RP1L1: variants seen among roughly 807,000 people sequenced by gnomAD.
The protein encoded by RP1L1 is RP1 like 1, also known as retinitis pigmentosa 1-like 1 protein.
In RP1L1, 27 loss-of-function variants were observed where a neutral mutation model predicts 15.7. The observed-to-expected ratio is 1.72, with a 90% CI of 1.27 to 2.38. RP1L1 has a LOEUF of 2.38. Among genes scored for constraint, RP1L1 ranks in the 30% most tolerant of loss-of-function variants. RP1L1 has a pLI of 0.00. For synonymous variants in RP1L1, 1,813 were observed against 1,276.7 expected (o/e 1.42, Z -8.96); for missense variants, 4,798 against 3,075.9 (o/e 1.56, Z -13.24).
At position 10,631,292 on chromosome 8, in the gene RP1L1, CACAA is replaced by C. The variant is rs1412401801; in HGVS notation, c.-19-8076_-19-8073del. Among the ~76,000 whole-genome samples the C allele has an allele frequency of 5.9e-3, 878 of 150,002 alleles. 11 individuals carry two copies. Among genetic ancestry groups the C allele is most frequent in the African/African-American group, 0.021 (840 of 40,382 alleles). ...ACAAACACGCATGCACACACACGCA[CACAA>C]ACACGCATGCACACACACGCACACA... On this transcript the variant is annotated intron_variant, in intron 1 of 3. Transcript: ENST00000382483.
Position 10,607,378 on chromosome 8 carries a change from C to G in RP1L1, c.6720G>C (p.Glu2240Asp). ...TCTCACCTTGAGTTTCTCCTTCTGA[C>G]TCTGGCTGGGCCTCCCCTTCAGCCT... ...TPEAEGEAQP[E>D]SEGETQGEKK... Residue 2240 changes from glutamate (E) to aspartate (D), a missense_variant, in exon 4 of 4, where the codon GAG (glutamate) becomes GAC (aspartate). Glu to Asp is a conservative substitution (Grantham distance 45, BLOSUM62 2). Coordinates refer to ENST00000382483, the MANE Select transcript of RP1L1 (RefSeq NM_178857.6). The G allele has an allele frequency of 6.2e-7, 1 of 1,607,834 alleles. No homozygotes were observed. Among genetic ancestry groups the G allele is most frequent in the Middle Eastern group, 1.7e-4 (1 of 6,058 alleles).
chr8:10,621,182 C>A (rs531081683), intron 2 of RP1L1: 27 of 153,352 alleles, frequency 1.8e-4, no homozygotes, highest in African/African-American at 6.3e-4. Flanking sequence ...GAGGTTGTCA[C>A]AGCATAGAAG....
At position 10,611,498 on chromosome 8, in the gene RP1L1, G is replaced by T. The variant is rs1797853503; in HGVS notation, c.2600C>A (p.Ser867Tyr). 4.4e-6 allele frequency: 7 copies of T among 1,574,876 alleles called. No homozygotes were observed. In the South Asian group the frequency reaches 6.9e-5, roughly 15 times the overall value. ...PRGRPCPQRR[S>Y]SSCGSTGSSH... ...GCTGCCGGTGCTCCCACAGCTGGAA[G>T]AGCGCCTCTGGGGGCAGGGCCGCCC... Residue 867 changes from serine (S) to tyrosine (Y), a missense_variant, in exon 4 of 4, where the codon TCT becomes TAT. Ser to Tyr is a moderately radical substitution (Grantham distance 144). Transcript: ENST00000382483.
chr8:10,621,568 C>G (rs539152954), intron 2 of RP1L1: 6 of 384,558 alleles, frequency 1.6e-5, no homozygotes, highest in Non-Finnish European at 3.2e-5. Context: ...TCAGGTGATC[C>G]GCCTGCCTCA....
chr8:10,612,749 T>C lies in RP1L1; in HGVS notation c.1349A>G (p.Gln450Arg). The change falls in exon 4 of 4, where the codon CAG becomes CGG. Residue 450 changes from glutamine to arginine, a missense_variant. Gln to Arg is a conservative substitution (Grantham distance 43). Coordinates refer to ENST00000382483, the MANE Select transcript of RP1L1 (RefSeq NM_178857.6). ...GCTGGAGGCTGGGCTGGCACTGTCC[T>C]GGCTGCATCTCTCCCTCCCGGCAGT... ...HGTAGRERCS[Q>R]DSASPASSTG... is the part of the protein sequence containing the mutation. The C allele has an allele frequency of 6.2e-7, 1 of 1,608,222 alleles. No homozygotes were observed. The highest frequency in any genetic ancestry group is 1.1e-5 in the South Asian group (1 of 91,074).
chr8:10,649,051 C>A (rs117386764), intron 1 of RP1L1, among the ~76,000 whole-genome samples: 2,736 of 152,278 alleles, frequency 0.018, 35 homozygotes, highest in Non-Finnish European at 0.029. Flanking sequence ...ATGCCTGAGC[C>A]CAGATGGGAG....
chr8:10,648,257 C>G (rs754571196), intron 1 of RP1L1, among the ~76,000 whole-genome samples: 6 of 152,176 alleles, frequency 3.9e-5, no homozygotes, highest in Non-Finnish European at 8.8e-5. Flanking sequence ...GTCTCGAACT[C>G]CTGACCTCAG....
intron 1 of RP1L1, among the ~76,000 whole-genome samples, chr8:10,644,657 C>T (rs1023385583): frequency 1.3e-5 from 2 of 152,216 alleles, no homozygotes; most frequent in Admixed American, 6.5e-5. Context: ...AACCCTGCCC[C>T]TCTCACAGGC....
intron 1 of RP1L1, among the ~76,000 whole-genome samples, chr8:10,641,212 T>G (rs1310325303): frequency 6.6e-6 from 1 of 152,224 alleles, no homozygotes; most frequent in Non-Finnish European, 1.5e-5. Flanking sequence ...TGGAGCCATA[T>G]GAGAAGTACT....
intron 1 of RP1L1, among the ~76,000 whole-genome samples, chr8:10,649,211 G>C (rs970068409): frequency 1.3e-5 from 2 of 152,190 alleles, no homozygotes; most frequent in East Asian, 3.9e-4. Context: ...CAGCAAAACC[G>C]ATTCTACTCT....
chr8:10,648,813 T>A (rs1798517808), intron 1 of RP1L1, among the ~76,000 whole-genome samples: 1 of 152,198 alleles, frequency 6.6e-6, no homozygotes, highest in South Asian at 2.1e-4. Context: ...CCCAGGGGAA[T>A]CAGACATAAT....
At chr8:10,644,161 C>T (rs6991463) in intron 1 of RP1L1, among the ~76,000 whole-genome samples, 4,110 of 151,972 alleles carry the variant, frequency 0.027, 162 homozygotes, top group African/African-American at 0.093. Flanking sequence ...AAGCTCCGTT[C>T]GGGGACAGGG....
In RP1L1 at chr8:10,608,385, C is replaced by G; in HGVS notation, c.5713G>C (p.Gly1905Arg). Residue 1905 changes from glycine (G) to arginine (R), a missense_variant, in exon 4 of 4, where the codon GGT (glycine) becomes CGT (arginine). Transcript: ENST00000382483. Reference protein sequence around the residue: ...AEWEVQPESEGAEAPEAEKEA... With the variant: ...AEWEVQPESERAEAPEAEKEA... ...TTTTCTGCCTCCGGGGCTTCTGCACCTTCTGACTCTGGCTGGACCTCCCAT... is the reference window on the plus strand; with the variant it reads ...TTTTCTGCCTCCGGGGCTTCTGCACGTTCTGACTCTGGCTGGACCTCCCAT... The G allele has an allele frequency of 1.9e-6, 3 of 1,613,616 alleles. No homozygotes were observed. Among genetic ancestry groups the G allele is most frequent in the Non-Finnish European group, 2.5e-6 (3 of 1,179,872 alleles).
intron 1 of RP1L1, among the ~76,000 whole-genome samples, chr8:10,649,774 C>T (rs1414404228): frequency 2.6e-5 from 4 of 152,132 alleles, no homozygotes; most frequent in African/African-American, 4.8e-5. Flanking sequence ...GCTGTGCTTC[C>T]GGCTCCAGGA....
chr8:10,610,451 G>C lies in RP1L1; in HGVS notation c.3647C>G (p.Pro1216Arg). Residue 1216 changes from proline (P) to arginine (R), a missense_variant, in exon 4 of 4, where the codon CCC becomes CGC. Physicochemically the swap from Pro to Arg is moderately radical, Grantham distance 103 (BLOSUM62 -2). Coordinates refer to ENST00000382483, the MANE Select transcript of RP1L1 (RefSeq NM_178857.6). ...CACCAGGGTGCCGTCCATGGCACAGGGTACGCTACTCTCCCCTGAGCCTCC... is the reference window on the plus strand; with the variant it reads ...CACCAGGGTGCCGTCCATGGCACAGCGTACGCTACTCTCCCCTGAGCCTCC... ...GSGGSGESSV[P>R]CAMDGTLVTQ... 1 of 1,613,810 alleles carries C rather than the reference G, an allele frequency of 6.2e-7. No homozygotes were observed. The highest frequency in any genetic ancestry group is 8.5e-7 in the Non-Finnish European group (1 of 1,180,018).
chr8:10,615,842 C>G (rs1164745994), intron 3 of RP1L1, among the ~76,000 whole-genome samples: 1 of 152,126 alleles, frequency 6.6e-6, no homozygotes, highest in Non-Finnish European at 1.5e-5. Flanking sequence ...GTGCCTGTGG[C>G]TCTTAATAAA....
chr8:10,616,975 G>C (rs566447061), intron 2 of RP1L1, among the ~76,000 whole-genome samples: 1 of 152,228 alleles, frequency 6.6e-6, no homozygotes, highest in East Asian at 1.9e-4. Flanking sequence ...AGCGGGGCCC[G>C]ATTCACTCTC....
At chr8:10,637,990 C>T (rs531943460) in intron 1 of RP1L1, among the ~76,000 whole-genome samples, 15 of 152,288 alleles carry the variant, frequency 9.8e-5, no homozygotes, top group Non-Finnish European at 1.6e-4. Flanking sequence ...CAAGAATAGG[C>T]GATGGTGCCC....
At chr8:10,626,183 G>A (rs1296788645) in intron 1 of RP1L1, among the ~76,000 whole-genome samples, 1 of 152,106 alleles carries the variant, frequency 6.6e-6, no homozygotes, top group African/African-American at 2.4e-5. Flanking sequence ...TGGGTAGGGG[G>A]CTGGCAGCGG....
Sources: allele counts gnomAD v4.1 joint callset (sites outside exome capture counted in the v4.1 genomes callset), GRCh38; gene constraint gnomAD v4.1.1; transcripts MANE v1.5; gene names NCBI Gene and HGNC (gene_info 2026-07-23, HGNC 2026-07-21).